Variants in SV2B observed in about 807,000 individuals in gnomAD.
The protein encoded by SV2B is solute carrier family 22 member B2.
A neutral mutation model predicts 73.9 loss-of-function variants in SV2B; 41 were observed. That is an observed-to-expected ratio of 0.56 (90% CI 0.43 to 0.72). The LOEUF (loss-of-function observed/expected upper bound fraction) is 0.72, where lower values mean the gene tolerates loss of function less well. Ranked by LOEUF, SV2B falls within the 30% of genes least tolerant of loss-of-function variation. SV2B has a pLI of 0.00. For missense variants in SV2B, 764 were observed against 857.8 expected (o/e 0.89, Z 1.37); for synonymous variants, 314 against 314.2 (o/e 1.00, Z 0.01).
intron 1 of SV2B, among the ~76,000 whole-genome samples, chr15:91,125,652 G>A (rs895893613): frequency 6.6e-6 from 1 of 151,842 alleles, no homozygotes; most frequent in African/African-American, 2.4e-5. Context: ...GTGCACGCCT[G>A]TAGTCCCAGC....
chr15:91,199,825 G>C (rs552314403), intron 1 of SV2B, among the ~76,000 whole-genome samples: 191 of 152,306 alleles, frequency 1.3e-3, no homozygotes, highest in African/African-American at 4.3e-3. Flanking sequence ...AGGCCTGTGT[G>C]ATGATGATGA....
chr15:91,226,790 A>T, intron 2 of SV2B, 76 bp downstream of exon 2: 4 of 1,501,850 alleles, frequency 2.7e-6, no homozygotes, highest in Non-Finnish European at 3.5e-6. Flanking sequence ...TGTCACTATT[A>T]GGCACTTTAA....
chr15:91,122,500 T>C lies in SV2B; in HGVS notation c.-392+22137T>C, dbSNP rs1442496525. Among the ~76,000 whole-genome samples the C allele has an allele frequency of 6.6e-6, 1 of 152,222 alleles. No homozygotes were observed. Among genetic ancestry groups the C allele is most frequent in the African/African-American group, 2.4e-5 (1 of 41,466 alleles). ...AAGCCATTTGGACACCTCACCCTGC[T>C]TCTCCTTCTCTGCCAACATGCATGC... On this transcript the variant is annotated intron_variant, in intron 1 of 12. Coordinates refer to ENST00000394232, the MANE Select transcript of SV2B (RefSeq NM_001323032.3). The surrounding 1 kb of genome is among the most constrained non-coding windows in gnomAD (Gnocchi z 4.3).
At chr15:91,191,425 C>A (rs1265663524) in intron 1 of SV2B, among the ~76,000 whole-genome samples, 2 of 152,116 alleles carry the variant, frequency 1.3e-5, no homozygotes, top group Admixed American at 1.3e-4. Context: ...ATCCCCCCCA[C>A]CTTCATATCG....
chr15:91,157,116 AG>A (rs1484512407), intron 1 of SV2B, among the ~76,000 whole-genome samples: 2 of 152,156 alleles, frequency 1.3e-5, no homozygotes, highest in Admixed American at 1.3e-4. Context: ...GGGGAAGCTG[AG>A]CTTGGAAATG....
chr15:91,243,192 A>G (rs8029774), intron 2 of SV2B, among the ~76,000 whole-genome samples: 2 of 152,138 alleles, frequency 1.3e-5, no homozygotes, highest in Non-Finnish European at 2.9e-5. Flanking sequence ...GGCATCACTG[A>G]GCCTCATTGG....
In SV2B at chr15:91,208,509, G is replaced by A. The variant is rs561200120; in HGVS notation, c.-391-17364G>A. ...ATCATGTATTTGGTTTCAAGACTCC[G>A]GATGACAGCAGCAGGCAGCTCTGGG... On this transcript the variant is annotated intron_variant, in intron 1 of 12. Transcript: ENST00000394232. Among the ~76,000 whole-genome samples, 13 of 152,320 alleles carry A rather than the reference G, an allele frequency of 8.5e-5. No homozygotes were observed. In the South Asian group the frequency reaches 1.7e-3, roughly 19 times the overall value.
In SV2B at chr15:91,188,545, G is replaced by C. The variant is rs140755742; in HGVS notation, c.-391-37328G>C. ...TTGGCCAGGATGGTCTCGATCTTCTGACCTCGTGATCCACCCACCTCGGCC... is the reference window on the plus strand; with the variant it reads ...TTGGCCAGGATGGTCTCGATCTTCTCACCTCGTGATCCACCCACCTCGGCC... On this transcript the variant is annotated intron_variant, in intron 1 of 12. Coordinates refer to ENST00000394232, the MANE Select transcript of SV2B (RefSeq NM_001323032.3). Among the ~76,000 whole-genome samples, 541 of 152,096 alleles carry C rather than the reference G, an allele frequency of 3.6e-3. 7 individuals are homozygous for C. The highest frequency in any genetic ancestry group is 0.014 in the Middle Eastern group (4 of 294).
At chr15:91,202,916 T>G (rs758265461) in intron 1 of SV2B, among the ~76,000 whole-genome samples, 4 of 152,070 alleles carry the variant, frequency 2.6e-5, no homozygotes, top group Middle Eastern at 3.2e-3. Flanking sequence ...AGGCAATCCC[T>G]AGGAAGGACT....
rs1373638410 is a variant in SV2B, at chr15:91,288,215, C to A, written c.1709-1306C>A. Among the ~76,000 whole-genome samples, 7 of 152,062 alleles carry A rather than the reference C, an allele frequency of 4.6e-5. No homozygotes were observed. Among genetic ancestry groups the A allele is most frequent in the Non-Finnish European group, 1.0e-4 (7 of 67,998 alleles). On this transcript the variant is annotated intron_variant, in intron 11 of 12. Coordinates refer to ENST00000394232, the MANE Select transcript of SV2B (RefSeq NM_001323032.3). This position sits in a 1 kb window ranked among gnomAD's most constrained non-coding sequence, Gnocchi z 5.8. ...TCAATAGCCCATGTACAGGTGTGTT[C>A]TCACCAGGTTATAAGCTCCATGAGA...
chr15:91,183,670 C>T (rs1437237463), intron 1 of SV2B, among the ~76,000 whole-genome samples: 2 of 152,116 alleles, frequency 1.3e-5, no homozygotes, highest in African/African-American at 2.4e-5. Context: ...AGTCATTTTG[C>T]GATGTATTTG....
chr15:91,143,882 T>C (rs1364224595), intron 1 of SV2B, among the ~76,000 whole-genome samples: 1 of 152,246 alleles, frequency 6.6e-6, no homozygotes, highest in African/African-American at 2.4e-5. Context: ...ACTGTTTTTT[T>C]CTAAATGGGT....
At position 91,268,467 on chromosome 15, in the gene SV2B, C is replaced by T. The variant is rs1280852974; in HGVS notation, c.1235C>T (p.Pro412Leu). 1 of 1,613,820 alleles carries T rather than the reference C, an allele frequency of 6.2e-7. No individual in the cohort carries two copies. Among genetic ancestry groups the T allele is most frequent in the African/African-American group, 1.3e-5 (1 of 74,926 alleles). ...TACTATGGACTGACAGTTTGGTTTC[C>T]TGATATGATCCGCTATTTTCAAGAT... ...FSYYGLTVWF[P>L]DMIRYFQDEE... Residue 412 changes from proline to leucine, a missense_variant, in exon 9 of 13, where the codon CCT (proline) becomes CTT (leucine). Transcript: ENST00000394232. This position sits in a 1 kb window ranked among gnomAD's most constrained non-coding sequence, Gnocchi z 4.4.
intron 1 of SV2B, among the ~76,000 whole-genome samples, chr15:91,149,808 G>A (rs572817637): frequency 2.2e-4 from 33 of 152,282 alleles, no homozygotes; most frequent in African/African-American, 7.5e-4. Flanking sequence ...ACTGGTACCT[G>A]TTCCATGATA....
intron 1 of SV2B, among the ~76,000 whole-genome samples, chr15:91,173,265 T>A (rs1357680069): frequency 1.3e-5 from 2 of 151,272 alleles, no homozygotes; most frequent in Non-Finnish European, 2.9e-5. Flanking sequence ...AAAGCTGGAG[T>A]AGAGGAGGGC....
chr15:91,202,719 G>T (rs757216758), intron 1 of SV2B, among the ~76,000 whole-genome samples: 4 of 152,140 alleles, frequency 2.6e-5, no homozygotes, highest in Non-Finnish European at 5.9e-5. Flanking sequence ...AACAGGACTG[G>T]CCAGAGAGAG....
Position 91,268,772 on chromosome 15 carries a change from C to T in SV2B, c.1373+167C>T, listed in dbSNP as rs777392335. On this transcript the variant is annotated intron_variant, in intron 9 of 12. Coordinates refer to ENST00000394232, the MANE Select transcript of SV2B (RefSeq NM_001323032.3). This position sits in a 1 kb window ranked among gnomAD's most constrained non-coding sequence, Gnocchi z 4.4. ...GGCTGCCAGTGACGCCATAGCTCCC[C>T]TAGTGGCTGTGTCTGTGTTGTGCTG... Among the ~76,000 whole-genome samples the T allele has an allele frequency of 5.9e-5, 9 of 152,172 alleles. No homozygotes were observed. Among genetic ancestry groups the T allele is most frequent in the African/African-American group, 7.2e-5 (3 of 41,424 alleles).
intron 2 of SV2B, among the ~76,000 whole-genome samples, chr15:91,249,354 T>A (rs1347741654): frequency 6.6e-6 from 1 of 152,228 alleles, no homozygotes; most frequent in Non-Finnish European, 1.5e-5. Flanking sequence ...TTGCTCTTCT[T>A]CTGGGTTTTA....
At position 91,226,107 on chromosome 15, in the gene SV2B, G is replaced by GT. The variant is rs1173751452; in HGVS notation, c.-157_-156insT. 2.9e-6 allele frequency: 2 copies of GT among 694,384 alleles called. No individual in the cohort carries two copies. The highest frequency in any genetic ancestry group is 4.7e-6 in the Non-Finnish European group (2 of 423,538). The allele number at this position is 694,384 out of a possible 1,614,324, so 43.0% of individuals were successfully genotyped here. A position where few individuals can be genotyped will look rare whatever the true frequency, so the allele number is the denominator to read the frequency against. ...AATCTGGTTGATTTGAGAGATAAAG[G>GT]GGGGGGGAACCAGTGTGACTTTCAC... On this transcript the variant is annotated 5_prime_UTR_variant, in exon 2 of 13. Transcript: ENST00000394232.
Sources: gnomAD v4.1 joint callset for allele counts (sites outside exome capture counted in the v4.1 genomes callset) on GRCh38, gnomAD v4.1.1 for gene constraint, Gnocchi (gnomAD v3.1) non-coding constraint, MANE v1.5 for transcripts, NCBI Gene and HGNC (gene_info 2026-07-23, HGNC 2026-07-21) for gene names.